STRBP: variants seen among roughly 807,000 people sequenced by gnomAD.
STRBP encodes spermatid perinuclear RNA-binding protein.
STRBP carries 13 observed loss-of-function variants against 80.1 expected under a neutral mutation model. The observed-to-expected ratio is 0.16, with a 90% CI of 0.11 to 0.26. The LOEUF is 0.26. Among genes scored for constraint, STRBP ranks in the 10% least tolerant of loss-of-function variants. The probability of loss-of-function intolerance (pLI) is 1.00; values close to 1 mark genes in which losing one functional copy is unlikely to be tolerated. For synonymous variants in STRBP, 284 were observed against 291.2 expected, an observed-to-expected ratio of 0.98 and a Z score of 0.25; for missense variants, 485 against 815.2, an observed-to-expected ratio of 0.59 and a Z score of 4.93.
chr9:123,173,553 G>A, intron 5 of STRBP, 124 bp downstream of exon 5: 1 of 954,570 alleles, frequency 1.0e-6, no homozygotes, highest in South Asian at 1.8e-5. Context: ...CAGAGTAGCA[G>A]TACTCATTTT....
At chr9:123,265,251 C>T (rs773803305) in intron 1 of STRBP, among the ~76,000 whole-genome samples, 1 of 151,964 alleles carries the variant, frequency 6.6e-6, no homozygotes, top group Non-Finnish European at 1.5e-5. Context: ...GTGTTCTGCT[C>T]CGCCCTCATT....
intron 2 of STRBP, among the ~76,000 whole-genome samples, chr9:123,217,913 A>G (rs2039947361): frequency 6.6e-6 from 1 of 152,252 alleles, no homozygotes; most frequent in Non-Finnish European, 1.5e-5. Flanking sequence ...AGATATTTCA[A>G]TGGCTTTATA....
Position 123,169,894 on chromosome 9 carries a change from A to G in STRBP, c.535+8T>C, listed in dbSNP as rs751387093. On this transcript the variant is annotated splice_region_variant and intron_variant, in intron 6 of 18. Transcript: ENST00000348403. ...TATACATATATATATATATATATAC[A>G]TGTGTACCTCCATCCTTCTTCTCCA... The G allele has an allele frequency of 1.2e-5, 18 of 1,457,094 alleles. No homozygotes were observed. The highest frequency in any genetic ancestry group is 1.5e-5 in the Non-Finnish European group (16 of 1,097,700). 90.3% of individuals were successfully genotyped at this position (1,457,094 alleles called of 1,614,324 possible). A position where few individuals can be genotyped will look rare whatever the true frequency, so the allele number is the denominator to read the frequency against.
rs71390421 is a variant in STRBP, at chr9:123,235,584, C to CAAA, written c.-165+1243_-165+1245dup. On this transcript the variant is annotated intron_variant, in intron 2 of 18. Transcript: ENST00000348403. ...AATCTGGATGAAGAGACAAGTTCAGCAAAAAAAAAAAAAAAAAAAAAAAAA... is the reference window on the plus strand; with the variant it reads ...AATCTGGATGAAGAGACAAGTTCAGCAAAAAAAAAAAAAAAAAAAAAAAAAAAA... 4.2e-3 allele frequency among the ~76,000 whole-genome samples: 154 copies of CAAA among 36,520 alleles called. 6 individuals carry two copies. Among genetic ancestry groups the CAAA allele is most frequent in the Non-Finnish European group, 6.4e-3 (108 of 16,980 alleles). 24.0% of individuals were successfully genotyped at this position (36,520 alleles called of 152,430 possible). A position where few individuals can be genotyped will look rare whatever the true frequency, so the allele number is the denominator to read the frequency against.
chr9:123,243,635 TA>T (rs1167112115), intron 1 of STRBP, among the ~76,000 whole-genome samples: 1 of 137,932 alleles, frequency 7.2e-6, no homozygotes, highest in Admixed American at 7.6e-5. Context: ...AAATAAAAAT[TA>T]AAAAACAAGA....
Position 123,123,964 on chromosome 9 carries a change from A to G in STRBP, c.*1633T>C, listed in dbSNP as rs933696189. On this transcript the variant is annotated 3_prime_UTR_variant, in exon 19 of 19. Transcript: ENST00000348403. Reference sequence around the variant, plus strand: ...AGGATGAGAATGATAAGTTACAGCTATTTCCAGCAAGTGATGAGGTTTTAT... The same window carrying G: ...AGGATGAGAATGATAAGTTACAGCTGTTTCCAGCAAGTGATGAGGTTTTAT... 1.1e-5 allele frequency: 11 copies of G among 985,412 alleles called. No individual in the cohort carries two copies. In the South Asian group the frequency reaches 4.7e-4, roughly 42 times the overall value. 61.0% of individuals were successfully genotyped at this position (985,412 alleles called of 1,614,324 possible). A position where few individuals can be genotyped will look rare whatever the true frequency, so the allele number is the denominator to read the frequency against.
rs1189205371 is a variant in STRBP at position 123,115,532 on chromosome 9, C to T, written c.*84+397G>A. 6 of 372,174 alleles carry T rather than the reference C, an allele frequency of 1.6e-5. No individual in the cohort carries two copies. The highest frequency in any genetic ancestry group is 1.3e-4 in the African/African-American group (6 of 47,046). 23.1% of individuals were successfully genotyped at this position (372,174 alleles called of 1,614,324 possible). A position where few individuals can be genotyped will look rare whatever the true frequency, so the allele number is the denominator to read the frequency against. ...TGGGTCAATGATTTCACCTTCTACT[C>T]AGTTGTCTAAGCTGCAGATTCTGAC... is the stretch of plus-strand genomic sequence containing the variant. On this transcript the variant is annotated intron_variant and NMD_transcript_variant, in intron 3 of 3. Transcript: ENST00000471564. This position sits in a 1 kb window ranked among gnomAD's most constrained non-coding sequence, Gnocchi z 5.0.
intron 2 of STRBP, among the ~76,000 whole-genome samples, chr9:123,222,292 G>A (rs1408049125): frequency 6.6e-6 from 1 of 151,506 alleles, no homozygotes; most frequent in Non-Finnish European, 1.5e-5. Flanking sequence ...CATGTGCCCC[G>A]AGCCTTTCAC....
chr9:123,139,592 T>G lies in STRBP; in HGVS notation c.1434A>C (p.Thr478=). The G allele has an allele frequency of 6.2e-7, 1 of 1,613,240 alleles. No homozygotes were observed. Among genetic ancestry groups the G allele is most frequent in the South Asian group, 1.1e-5 (1 of 90,998 alleles). ...EKSDNESKNE[T]VSSNSSNNTG... ...TATTATTGCTTGAGTTTGAAGACAC[T>G]GTTTCATTTTTACTTTCATTATCTG... The change falls in exon 14 of 19, where the codon ACA becomes ACC. Residue 478 remains threonine (T), a synonymous_variant. Coordinates refer to ENST00000348403, the MANE Select transcript of STRBP (RefSeq NM_018387.5).
chr9:123,230,132 T>C (rs1263044374), intron 2 of STRBP, among the ~76,000 whole-genome samples: 1 of 152,050 alleles, frequency 6.6e-6, no homozygotes, highest in East Asian at 1.9e-4. Flanking sequence ...ATCAGGGATA[T>C]AAAGGACGAT....
intron 3 of STRBP, among the ~76,000 whole-genome samples, chr9:123,182,231 A>T (rs1192777269): frequency 2.1e-5 from 2 of 97,384 alleles, no homozygotes; most frequent in Admixed American, 1.3e-4. Flanking sequence ...AAAAAAAAAA[A>T]AAAAAAAAAA....
intron 2 of STRBP, among the ~76,000 whole-genome samples, chr9:123,186,374 G>A (rs1462893291): frequency 6.6e-6 from 1 of 152,102 alleles, no homozygotes; most frequent in African/African-American, 2.4e-5. Context: ...ATTGAAGGCA[G>A]AAAAGGAAGA....
chr9:123,133,189 G>GA (rs2036212602), intron 16 of STRBP, among the ~76,000 whole-genome samples: 1 of 152,096 alleles, frequency 6.6e-6, no homozygotes, highest in Non-Finnish European at 1.5e-5. Context: ...TTTTGCTTGA[G>GA]GGTTATCCAG....
At chr9:123,152,074 C>A (rs566629669) in intron 11 of STRBP, among the ~76,000 whole-genome samples, 2 of 152,096 alleles carry the variant, frequency 1.3e-5, no homozygotes, top group Admixed American at 1.3e-4. Flanking sequence ...TGGATAAATT[C>A]TTAGAAAAAC....
At chr9:123,197,827 A>G (rs2039158264) in intron 2 of STRBP, among the ~76,000 whole-genome samples, 1 of 151,708 alleles carries the variant, frequency 6.6e-6, no homozygotes, top group African/African-American at 2.4e-5. Flanking sequence ...GGTACCAGCC[A>G]CCATGTCCCG....
chr9:123,209,874 T>C (rs990981002), intron 2 of STRBP, among the ~76,000 whole-genome samples: 1 of 152,208 alleles, frequency 6.6e-6, no homozygotes, highest in Non-Finnish European at 1.5e-5. Context: ...CACACACAAA[T>C]TTATTCATAT....
rs749516916 is a variant in STRBP at position 123,158,091 on chromosome 9, A to T, written c.966T>A (p.Ile322=). ...GGGGGTCCATCTCCAGCACTTTGTAAATCTGGCCAAAGGCTGATAGTCTGA... is the reference window on the plus strand; with the variant it reads ...GGGGGTCCATCTCCAGCACTTTGTATATCTGGCCAAAGGCTGATAGTCTGA... ...HALRLSAFGQ[I]YKVLEMDPLP... The change falls in exon 11 of 19, where the codon ATT becomes ATA. Residue 322 remains isoleucine (I), a synonymous_variant. Transcript: ENST00000348403. 1 of 1,610,020 alleles carries T rather than the reference A, an allele frequency of 6.2e-7. No individual in the cohort carries two copies. The highest frequency in any genetic ancestry group is 1.4e-5 in the African/African-American group (1 of 73,788).
chr9:123,214,957 G>T (rs1216574047), intron 2 of STRBP, among the ~76,000 whole-genome samples: 2 of 152,096 alleles, frequency 1.3e-5, no homozygotes, highest in East Asian at 3.8e-4. Flanking sequence ...TGCTCCTCTT[G>T]TTAATAATCA....
At chr9:123,204,230 T>A (rs2039432582) in intron 2 of STRBP, among the ~76,000 whole-genome samples, 1 of 152,190 alleles carries the variant, frequency 6.6e-6, no homozygotes, top group East Asian at 1.9e-4. Context: ...AACAGATAAA[T>A]TTTTTAATAA....
Sources: gnomAD v4.1 joint callset for allele counts (sites outside exome capture counted in the v4.1 genomes callset) on GRCh38, gnomAD v4.1.1 for gene constraint, Gnocchi (gnomAD v3.1) non-coding constraint, MANE v1.5 for transcripts, NCBI Gene and HGNC (gene_info 2026-07-23, HGNC 2026-07-21) for gene names.